The following TRPV4 variants were observed in gnomAD, a reference collection of about 807,000 sequenced individuals.
TRPV4 encodes transient receptor potential cation channel subfamily V member 4.
Under a neutral mutation model 84.1 loss-of-function variants are expected in TRPV4, and 58 were observed. That is an observed-to-expected ratio of 0.69 (90% confidence interval 0.56 to 0.86). TRPV4 has a LOEUF of 0.86. TRPV4 is among the 40% of genes least tolerant of loss of function. TRPV4 has a pLI of 0.00. For synonymous variants in TRPV4, 489 were observed against 500.9 expected, an observed-to-expected ratio of 0.98 and a Z score of 0.32; for missense variants, 879 against 1,181.1, an observed-to-expected ratio of 0.74 and a Z score of 3.75.
At chr12:109,785,516 T>G (rs1889632142) in intron 14 of TRPV4, among the ~76,000 whole-genome samples, 1 of 151,984 alleles carries the variant, frequency 6.6e-6, no homozygotes, top group African/African-American at 2.4e-5. Context: ...CCTACCAGGT[T>G]CAAGCGATTC....
In TRPV4 at chr12:109,798,447, A is replaced by G. The variant is rs541811093; in HGVS notation, c.1152+167T>C. 3.3e-5 allele frequency among the ~76,000 whole-genome samples: 5 copies of G among 152,292 alleles called. No homozygotes were observed. The East Asian group carries it at 5.8e-4, about 18-fold the overall frequency. Reference sequence around the variant, plus strand: ...ATGAAGCTAAGGAGCTTGGCTGGACACTAGGGAGCCATAGCAGGTTCTTGA... The same window carrying G: ...ATGAAGCTAAGGAGCTTGGCTGGACGCTAGGGAGCCATAGCAGGTTCTTGA... On this transcript the variant is annotated intron_variant, in intron 6 of 15. Coordinates refer to ENST00000261740, the MANE Select transcript of TRPV4 (RefSeq NM_021625.5). The surrounding 1 kb of genome is among the most constrained non-coding windows in gnomAD (Gnocchi z 5.0).
intron 1 of TRPV4, among the ~76,000 whole-genome samples, chr12:109,827,828 A>G (rs954316394): frequency 6.6e-6 from 1 of 151,656 alleles, no homozygotes; most frequent in African/African-American, 2.4e-5. Context: ...ATACACATAT[A>G]TACACATATA....
intron 3 of TRPV4, among the ~76,000 whole-genome samples, chr12:109,806,860 CAAA>C (rs1181923346): frequency 2.2e-5 from 1 of 45,618 alleles, no homozygotes; most frequent in African/African-American, 9.4e-5. Context: ...GACCCTATCT[CAAA>C]AAAAAAAAAG....
chr12:109,827,728 GCA>G (rs892103048), intron 1 of TRPV4, among the ~76,000 whole-genome samples: 4 of 150,258 alleles, frequency 2.7e-5, no homozygotes, highest in Non-Finnish European at 4.4e-5. Context: ...ATACACATAT[GCA>G]CACACATACA....
intron 1 of TRPV4, among the ~76,000 whole-genome samples, chr12:109,819,715 C>T (rs1173126979): frequency 6.6e-6 from 1 of 152,188 alleles, no homozygotes; most frequent in Non-Finnish European, 1.5e-5. Flanking sequence ...AAACATGCCA[C>T]TACCACTCAG....
In TRPV4 at chr12:109,786,726, G is replaced by A. The variant is rs145102919; in HGVS notation, c.2320C>T (p.Arg774Cys). 99 of 1,613,754 alleles carry A rather than the reference G, an allele frequency of 6.1e-5. No individual in the cohort carries two copies. Among genetic ancestry groups the A allele is most frequent in the Admixed American group, 1.0e-4 (6 of 60,006 alleles). ...VGKSSDGTPD[R>C]RWCFRVDEVN... ...CAGCCTCACCTGAAGCACCACCTGCGGTCAGGAGTGCCGTCCGAGCTCTTG... is the reference window on the plus strand; with the variant it reads ...CAGCCTCACCTGAAGCACCACCTGCAGTCAGGAGTGCCGTCCGAGCTCTTG... The change falls in exon 14 of 16, where the codon CGC becomes TGC. Residue 774 changes from arginine to cysteine, a missense_variant. This residue lies in a region of TRPV4 where 242 missense variants were observed against 355.3 expected (regional missense o/e 0.68). Transcript: ENST00000261740. The surrounding 1 kb of genome is among the most constrained non-coding windows in gnomAD (Gnocchi z 4.5).
chr12:109,832,519 C>T, intron 1 of TRPV4: 1 of 152,318 alleles, frequency 6.6e-6, no homozygotes, highest in East Asian at 1.9e-4. Flanking sequence ...TCCCAAGCAC[C>T]CCGGGGGCAC....
At chr12:109,787,205 G>T (rs1889746696) in intron 13 of TRPV4, among the ~76,000 whole-genome samples, 1 of 152,218 alleles carries the variant, frequency 6.6e-6, no homozygotes, top group Non-Finnish European at 1.5e-5. Context: ...ACCCTGCACT[G>T]CCTGGAGCTT....
intron 2 of TRPV4, among the ~76,000 whole-genome samples, chr12:109,813,618 G>T (rs768320114): frequency 4.6e-5 from 7 of 152,116 alleles, no homozygotes; most frequent in Non-Finnish European, 8.8e-5. Context: ...ACAGACAAAT[G>T]TCCTATGGAA....
chr12:109,827,079 A>T (rs1453843282), intron 1 of TRPV4, among the ~76,000 whole-genome samples: 1 of 152,166 alleles, frequency 6.6e-6, no homozygotes, highest in Admixed American at 6.5e-5. Flanking sequence ...GGGCTTAGTC[A>T]TTCTCTCCAG....
chr12:109,818,552 C>T (rs1478663867), intron 1 of TRPV4, among the ~76,000 whole-genome samples: 8 of 152,100 alleles, frequency 5.3e-5, no homozygotes, highest in African/African-American at 1.9e-4. Flanking sequence ...TTCACAACCA[C>T]CCCCAGGAGG....
chr12:109,817,344 C>T (rs1252927197), intron 1 of TRPV4, among the ~76,000 whole-genome samples: 1 of 152,140 alleles, frequency 6.6e-6, no homozygotes, highest in Non-Finnish European at 1.5e-5. Context: ...CAGTACCCTT[C>T]TATCCACTGC....
rs1443511943 is a variant in TRPV4 at position 109,794,181 on chromosome 12, G to A, written c.1491+148C>T. Reference sequence around the variant, plus strand: ...TCCTCCTCCCAGCTCAGGGCCACCCGTGGATGCTGGAGGGCGCCTCCCCAA... The same window carrying A: ...TCCTCCTCCCAGCTCAGGGCCACCCATGGATGCTGGAGGGCGCCTCCCCAA... On this transcript the variant is annotated intron_variant, in intron 8 of 15. Coordinates refer to ENST00000261740, the MANE Select transcript of TRPV4 (RefSeq NM_021625.5). The A allele has an allele frequency of 1.3e-5, 15 of 1,180,444 alleles. No individual in the cohort carries two copies. In the East Asian group the frequency reaches 2.0e-4, roughly 16 times the overall value. The allele number at this position is 1,180,444 out of a possible 1,614,324, so 73.1% of individuals were successfully genotyped here.
intron 2 of TRPV4, 136 bp from the exon 3 acceptor site, chr12:109,808,604 G>T: frequency 1.3e-6 from 1 of 769,292 alleles, no homozygotes. Flanking sequence ...GAGGTAGTTG[G>T]GGCAGATGTA....
chr12:109,788,959 C>A (rs1383196760), intron 12 of TRPV4, among the ~76,000 whole-genome samples: 5 of 152,198 alleles, frequency 3.3e-5, no homozygotes, highest in Admixed American at 2.6e-4. Flanking sequence ...ATCTCTCTCT[C>A]TCTCTCTTTC....
At chr12:109,816,864 A>C (rs887823523) in intron 1 of TRPV4, among the ~76,000 whole-genome samples, 2 of 152,176 alleles carry the variant, frequency 1.3e-5, no homozygotes, top group African/African-American at 4.8e-5. Flanking sequence ...AGTTATTATA[A>C]CCAAACGAAG....
chr12:109,792,457 CAA>C, intron 11 of TRPV4, 28 bp from the exon 12 acceptor site: 1 of 1,611,074 alleles, frequency 6.2e-7, no homozygotes, highest in Non-Finnish European at 8.5e-7. Flanking sequence ...ATTATGGAGG[CAA>C]AGAGGAGACA....
At chr12:109,801,114 G>A (rs1890758353) in intron 4 of TRPV4, among the ~76,000 whole-genome samples, 1 of 152,208 alleles carries the variant, frequency 6.6e-6, no homozygotes, top group African/African-American at 2.4e-5. Context: ...GGCGTTTGAG[G>A]CAAGCCTGGG....
chr12:109,827,763 T>C (rs1892303072), intron 1 of TRPV4, among the ~76,000 whole-genome samples: 1 of 145,200 alleles, frequency 6.9e-6, no homozygotes, highest in South Asian at 2.2e-4. Context: ...TATACACACA[T>C]ACACACATAT....
Sources: allele counts gnomAD v4.1 joint callset (sites outside exome capture counted in the v4.1 genomes callset), GRCh38; gene constraint gnomAD v4.1.1; regional missense constraint gnomAD v4.1.1; non-coding constraint Gnocchi (gnomAD v3.1); transcripts MANE v1.5; gene names NCBI Gene and HGNC (gene_info 2026-07-23, HGNC 2026-07-21).